ABLIM1: variants seen among roughly 807,000 people sequenced by gnomAD.
ABLIM1 encodes actin binding LIM protein 1, also known as actin-binding LIM protein 1.
Under a neutral mutation model 107.0 loss-of-function variants are expected in ABLIM1, and 40 were observed. The observed-to-expected ratio is 0.37, with a 90% confidence interval of 0.29 to 0.49. ABLIM1 has a LOEUF of 0.49. Ranked by LOEUF, ABLIM1 falls within the 20% of genes least tolerant of loss-of-function variation. The probability of loss-of-function intolerance (pLI) is 0.97; values close to 1 mark genes in which losing one functional copy is unlikely to be tolerated. For synonymous variants in ABLIM1, 357 were observed against 357.3 expected (o/e 1.00, Z 0.01); for missense variants, 857 against 1,008.5 (o/e 0.85, Z 2.04).
chr10:114,664,833 G>A (rs903282188), intron 1 of ABLIM1, among the ~76,000 whole-genome samples: 1 of 150,470 alleles, frequency 6.6e-6, no homozygotes, highest in African/African-American at 2.4e-5. Context: ...TGTGAGCCAC[G>A]GCCTAATGTT....
Position 114,582,827 on chromosome 10 carries a change from A to T in ABLIM1, c.380-7228T>A, listed in dbSNP as rs141199450. On this transcript the variant is annotated intron_variant, in intron 2 of 22. Transcript: ENST00000533213. ...TATCCATATGCAGAAGAATGAAACT[A>T]GACCCCTACCTATCACCATATACAA... 5.9e-5 allele frequency among the ~76,000 whole-genome samples: 9 copies of T among 152,270 alleles called. No individual in the cohort carries two copies. In the East Asian group the frequency reaches 1.5e-3, roughly 26 times the overall value.
At chr10:114,632,072 C>T in intron 1 of ABLIM1, 2 of 985,296 alleles carry the variant, frequency 2.0e-6, no homozygotes, top group Non-Finnish European at 2.4e-6. Context: ...GGTCTCGAGT[C>T]CCGCCCCGCC....
chr10:114,528,222 A>G (rs973856871), intron 6 of ABLIM1, among the ~76,000 whole-genome samples: 1 of 152,136 alleles, frequency 6.6e-6, no homozygotes, highest in Admixed American at 6.5e-5. Context: ...CTCCTGCCTC[A>G]GCCTCCCAAA....
intron 2 of ABLIM1, among the ~76,000 whole-genome samples, chr10:114,597,194 C>T (rs1229553670): frequency 6.6e-6 from 1 of 152,180 alleles, no homozygotes; most frequent in African/African-American, 2.4e-5. Flanking sequence ...GTCACTTGGG[C>T]TAGGAGGAAG....
At chr10:114,453,533 C>T (rs759521537) in intron 12 of ABLIM1, 50 bp from the exon 13 acceptor site, 1 of 1,378,014 alleles carries the variant, frequency 7.3e-7, no homozygotes, top group Non-Finnish European at 9.7e-7. Context: ...GAGAGAGAAA[C>T]AAAGAAAACA....
chr10:114,644,330 TG>T (rs1321976970), intron 1 of ABLIM1, among the ~76,000 whole-genome samples: 3 of 102,306 alleles, frequency 2.9e-5, no homozygotes, highest in African/African-American at 4.6e-5. Flanking sequence ...TATATATATA[TG>T]TGTATATATT....
intron 1 of ABLIM1, among the ~76,000 whole-genome samples, chr10:114,623,684 A>G (rs1017534193): frequency 2.0e-5 from 3 of 152,198 alleles, no homozygotes; most frequent in Non-Finnish European, 4.4e-5. Flanking sequence ...CTTCTCCCAG[A>G]CCTACTGAAT....
chr10:114,646,346 T>C (rs2079012671), intron 1 of ABLIM1, among the ~76,000 whole-genome samples: 2 of 152,124 alleles, frequency 1.3e-5, no homozygotes, highest in Non-Finnish European at 2.9e-5. Flanking sequence ...AATTGAGAAC[T>C]AGGTGGGCAA....
At chr10:114,447,395 A>G (rs550146249) in intron 15 of ABLIM1, among the ~76,000 whole-genome samples, 1 of 152,394 alleles carries the variant, frequency 6.6e-6, no homozygotes, top group South Asian at 2.1e-4. Flanking sequence ...ATCTTACAAG[A>G]AAAATGAAAG....
At chr10:114,557,422 G>T (rs1427338210) in intron 4 of ABLIM1, among the ~76,000 whole-genome samples, 1 of 152,214 alleles carries the variant, frequency 6.6e-6, no homozygotes, top group East Asian at 1.9e-4. Context: ...CAGGAAAGCA[G>T]AAGGCAGGCA....
At chr10:114,490,287 T>C (rs1344300064) in intron 7 of ABLIM1, among the ~76,000 whole-genome samples, 1 of 152,228 alleles carries the variant, frequency 6.6e-6, no homozygotes, top group Non-Finnish European at 1.5e-5. Context: ...ATGTTTTTAA[T>C]CACAGTTTTT....
chr10:114,788,412 C>T, the ABLIM1 span, among the ~76,000 whole-genome samples: 1 of 147,360 alleles, frequency 6.8e-6, no homozygotes, highest in Admixed American at 6.7e-5. Context: ...TGAGTCAACT[C>T]CAAAAAAAAA....
At chr10:114,545,124 C>T (rs1269859472) in intron 5 of ABLIM1, 26 bp from the exon 6 acceptor site, 16 of 1,609,990 alleles carry the variant, frequency 9.9e-6, no homozygotes, top group Admixed American at 1.7e-5. Context: ...GTGTTCGGCT[C>T]CTGAGGAGGT....
intron 1 of ABLIM1, among the ~76,000 whole-genome samples, chr10:114,645,429 T>C (rs1467068776): frequency 6.6e-6 from 1 of 152,104 alleles, no homozygotes; most frequent in Non-Finnish European, 1.5e-5. Context: ...ACCTTCCAAA[T>C]AAATTACTTG....
intron 6 of ABLIM1, among the ~76,000 whole-genome samples, chr10:114,536,576 A>G (rs1350009009): frequency 6.6e-6 from 1 of 152,042 alleles, no homozygotes; most frequent in Non-Finnish European, 1.5e-5. Context: ...AACGTTTTCA[A>G]GGTTCCTCGA....
At chr10:114,645,572 C>T (rs2078978191) in intron 1 of ABLIM1, among the ~76,000 whole-genome samples, 1 of 151,632 alleles carries the variant, frequency 6.6e-6, no homozygotes, top group Admixed American at 6.6e-5. Flanking sequence ...CTAAAGATAA[C>T]AGAGACAGAT....
At chr10:114,635,084 G>T (rs61867922) in intron 1 of ABLIM1, among the ~76,000 whole-genome samples, 2,912 of 152,266 alleles carry the variant, frequency 0.019, 47 homozygotes, top group Middle Eastern at 0.034. Flanking sequence ...GATTTCCAAA[G>T]AACTTATCTC....
At chr10:114,594,132 T>C (rs1481708424) in intron 2 of ABLIM1, among the ~76,000 whole-genome samples, 1 of 152,246 alleles carries the variant, frequency 6.6e-6, no homozygotes, top group African/African-American at 2.4e-5. Flanking sequence ...AAACTACTTC[T>C]ATTTTTCTGG....
chr10:114,587,388 T>C (rs1276335392), intron 2 of ABLIM1, among the ~76,000 whole-genome samples: 1 of 152,192 alleles, frequency 6.6e-6, no homozygotes, highest in Non-Finnish European at 1.5e-5. Context: ...CTATTCTATA[T>C]AAGGATTTCT....
Sources: gnomAD v4.1 joint callset for allele counts (sites outside exome capture counted in the v4.1 genomes callset) on GRCh38, gnomAD v4.1.1 for gene constraint, MANE v1.5 for transcripts, NCBI Gene and HGNC (gene_info 2026-07-23, HGNC 2026-07-21) for gene names.